The following CREM variants were observed in gnomAD, a reference collection of about 807,000 sequenced individuals.
CREM encodes the protein cAMP-responsive element modulator.
CREM carries 13 observed loss-of-function variants against 37.3 expected under a neutral mutation model. The observed-to-expected ratio is 0.35, with a 90% CI of 0.23 to 0.55. The LOEUF is 0.55. Among genes scored for constraint, CREM ranks in the 20% least tolerant of loss-of-function variants. The pLI, the probability that CREM is intolerant of heterozygous loss-of-function variation, is 0.88. For synonymous variants in CREM, 124 were observed against 120.2 expected, an observed-to-expected ratio of 1.03 and a Z score of -0.21; for missense variants, 296 against 362.3, an observed-to-expected ratio of 0.82 and a Z score of 1.49.
intron 3 of CREM, among the ~76,000 whole-genome samples, chr10:35,172,660 C>G (rs931773032): frequency 6.6e-6 from 1 of 151,712 alleles, no homozygotes; most frequent in East Asian, 1.9e-4. Flanking sequence ...ACTCTGAGTA[C>G]ATGCTGTTTT....
rs558196183 is a variant in CREM, at chr10:35,203,864, C to T, written c.599-3031C>T. Reference sequence around the variant, plus strand: ...CTCTCTACCCATTAATTTTACTACACGTCTGTGTGAGCAGTGTTTGGAAAG... The same window carrying T: ...CTCTCTACCCATTAATTTTACTACATGTCTGTGTGAGCAGTGTTTGGAAAG... On this transcript the variant is annotated intron_variant, in intron 6 of 7. Transcript: ENST00000685392. Among the ~76,000 whole-genome samples the T allele has an allele frequency of 3.9e-5, 6 of 152,120 alleles. No homozygotes were observed. The East Asian group carries it at 9.7e-4, about 24-fold the overall frequency.
At chr10:35,179,633 A>G in intron 5 of CREM, 1 of 203,284 alleles carries the variant, frequency 4.9e-6, no homozygotes, top group Non-Finnish European at 9.8e-6. Flanking sequence ...GGCTTTTGTT[A>G]CCCACAATTA....
At chr10:35,185,660 T>C (rs1478536094) in intron 5 of CREM, among the ~76,000 whole-genome samples, 2 of 152,174 alleles carry the variant, frequency 1.3e-5, no homozygotes, top group Admixed American at 1.3e-4. Flanking sequence ...ACCCATGAAA[T>C]CTTTGGAAAG....
chr10:35,155,049 G>T (rs1486646573), intron 3 of CREM, among the ~76,000 whole-genome samples: 2 of 152,156 alleles, frequency 1.3e-5, no homozygotes, highest in Non-Finnish European at 2.9e-5. Flanking sequence ...AATAAATTTT[G>T]ATGTTGCAGA....
intron 2 of CREM, among the ~76,000 whole-genome samples, chr10:35,140,388 A>G (rs1189560065): frequency 6.6e-6 from 1 of 152,188 alleles, no homozygotes; most frequent in Non-Finnish European, 1.5e-5. Flanking sequence ...CTGGAGTCAC[A>G]GTCACAACAC....
intron 5 of CREM, among the ~76,000 whole-genome samples, chr10:35,180,240 T>C (rs1046125496): frequency 6.6e-6 from 1 of 152,196 alleles, no homozygotes; most frequent in Admixed American, 6.5e-5. Flanking sequence ...ACTTAGGTAC[T>C]GGAATATATG....
chr10:35,187,209 T>G (rs554410405), intron 5 of CREM, among the ~76,000 whole-genome samples: 2 of 73,632 alleles, frequency 2.7e-5, no homozygotes, highest in African/African-American at 4.6e-5. Context: ...ATAATATATA[T>G]TATATATTTA....
chr10:35,147,072 A>G (rs2092211377), intron 2 of CREM, among the ~76,000 whole-genome samples: 2 of 122,576 alleles, frequency 1.6e-5, no homozygotes, highest in Non-Finnish European at 1.6e-5. Flanking sequence ...TTTTTTTAAG[A>G]CGGAGTCTCG....
chr10:35,196,168 A>T, intron 6 of CREM: 1 of 1,543,006 alleles, frequency 6.5e-7, no homozygotes, highest in Non-Finnish European at 8.9e-7. Flanking sequence ...TGTATTGTAT[A>T]AGCTGGCGGG....
chr10:35,174,332 G>A (rs1219421068), intron 3 of CREM, among the ~76,000 whole-genome samples: 1 of 152,144 alleles, frequency 6.6e-6, no homozygotes, highest in African/African-American at 2.4e-5. Flanking sequence ...TATTTGGTGT[G>A]CCATTGTTTC....
chr10:35,127,372 G>C (rs1445954237), intron 1 of CREM, 179 bp downstream of exon 1: 1 of 151,928 alleles, frequency 6.6e-6, no homozygotes. Flanking sequence ...GGGCAGCCGC[G>C]AGTTCACCTG....
chr10:35,173,305 A>G (rs1036185904), intron 3 of CREM, among the ~76,000 whole-genome samples: 2 of 152,174 alleles, frequency 1.3e-5, no homozygotes, highest in Admixed American at 6.5e-5. Context: ...TACAGAAGCT[A>G]TTATAATATT....
intron 3 of CREM, among the ~76,000 whole-genome samples, chr10:35,169,010 A>G (rs564683303): frequency 6.6e-6 from 1 of 152,178 alleles, no homozygotes; most frequent in South Asian, 2.1e-4. Context: ...GCCTTGTAGT[A>G]TAGTTTGAAG....
intron 3 of CREM, among the ~76,000 whole-genome samples, chr10:35,170,783 T>G (rs2093775537): frequency 6.6e-6 from 1 of 152,216 alleles, no homozygotes; most frequent in East Asian, 1.9e-4. Context: ...TATTTGATTC[T>G]TCTCTCTTTT....
intron 1 of CREM, 39 bp from the exon 2 acceptor site, chr10:35,137,743 G>A (rs901093259): frequency 1.7e-4 from 156 of 913,008 alleles, no homozygotes; most frequent in Non-Finnish European, 2.1e-4. Context: ...GAAGTGAAAT[G>A]TTACGATCTC....
chr10:35,207,437 A>G (rs2095556638), intron 7 of CREM, among the ~76,000 whole-genome samples: 1 of 150,758 alleles, frequency 6.6e-6, no homozygotes, highest in Admixed American at 6.6e-5. Flanking sequence ...AATGATAATA[A>G]AATAATGATA....
chr10:35,210,090 A>G (rs1282570011), intron 7 of CREM, among the ~76,000 whole-genome samples: 1 of 152,104 alleles, frequency 6.6e-6, no homozygotes, highest in African/African-American at 2.4e-5. Flanking sequence ...AATCATGTAT[A>G]CATCACATGT....
Position 35,212,230 on chromosome 10 carries a change from A to G in CREM, c.*832A>G, listed in dbSNP as rs1358914851. 6.5e-6 allele frequency: 1 copy of G among 153,760 alleles called. No homozygotes were observed. Among genetic ancestry groups the G allele is most frequent in the Non-Finnish European group, 1.5e-5 (1 of 68,962 alleles). The allele number at this position is 153,760 out of a possible 1,614,324, so 9.5% of individuals were successfully genotyped here. ...GAATAGAAAGAAAGTCTATCTAATG[A>G]CATGCCTATATGAGAAGAATAGCCT... On this transcript the variant is annotated 3_prime_UTR_variant, in exon 8 of 8. Transcript: ENST00000685392.
chr10:35,196,264 G>T, intron 6 of CREM: 1 of 552,112 alleles, frequency 1.8e-6, no homozygotes, highest in East Asian at 3.2e-5. Flanking sequence ...GGAAGTGCTT[G>T]TCTTTTACTT....
Sources: gnomAD v4.1 joint callset for allele counts (sites outside exome capture counted in the v4.1 genomes callset) on GRCh38, gnomAD v4.1.1 for gene constraint, MANE v1.5 for transcripts, NCBI Gene and HGNC (gene_info 2026-07-23, HGNC 2026-07-21) for gene names.